The following TENM3 variants were observed in gnomAD, a reference collection of about 807,000 sequenced individuals.
TENM3 encodes the protein teneurin-3.
A neutral mutation model predicts 255.1 loss-of-function variants in TENM3; 63 were observed. The observed-to-expected ratio is 0.25, with a 90% CI of 0.20 to 0.30. The LOEUF is 0.30. TENM3 is among the 10% of genes least tolerant of loss of function. The pLI is 1.00. For synonymous variants in TENM3, 1,306 were observed against 1,322.3 expected (o/e 0.99, Z 0.27); for missense variants, 2,929 against 3,461.1 (o/e 0.85, Z 3.86).
At chr4:181,965,641 G>C in the TENM3 span, among the ~76,000 whole-genome samples, 1 of 152,136 alleles carries the variant, frequency 6.6e-6, no homozygotes, top group Non-Finnish European at 1.5e-5. Flanking sequence ...AAATTTCTCT[G>C]ACTGTCTTAA....
At chr4:182,378,624 A>G (rs1767345442) in intron 3 of TENM3, among the ~76,000 whole-genome samples, 1 of 152,158 alleles carries the variant, frequency 6.6e-6, no homozygotes, top group South Asian at 2.1e-4. Flanking sequence ...GAAACTGAAA[A>G]CAGGCCTCGG....
At chr4:181,880,164 C>T in the TENM3 span, among the ~76,000 whole-genome samples, 1 of 152,164 alleles carries the variant, frequency 6.6e-6, no homozygotes, top group Non-Finnish European at 1.5e-5. Flanking sequence ...CCAAAGGCAC[C>T]TTCCTCTACT....
chr4:182,743,488 T>A, intron 19 of TENM3, 69 bp downstream of exon 19: 1 of 1,522,380 alleles, frequency 6.6e-7, no homozygotes, highest in East Asian at 2.3e-5. Flanking sequence ...AGGTTGAGTC[T>A]GATGTACTGA....
At chr4:181,750,842 C>T in the TENM3 span, among the ~76,000 whole-genome samples, 1 of 152,172 alleles carries the variant, frequency 6.6e-6, no homozygotes, top group African/African-American at 2.4e-5. Context: ...ATGCTGTTGG[C>T]TTCCAGCAAG....
chr4:182,364,521 A>G (rs923032636), intron 3 of TENM3, among the ~76,000 whole-genome samples: 1 of 152,040 alleles, frequency 6.6e-6, no homozygotes, highest in African/African-American at 2.4e-5. Context: ...GGTTCACGCC[A>G]TTCTCCTGCC....
At chr4:181,474,296 C>T in the TENM3 span, among the ~76,000 whole-genome samples, 1 of 151,886 alleles carries the variant, frequency 6.6e-6, no homozygotes, top group Non-Finnish European at 1.5e-5. Flanking sequence ...CACATGTACC[C>T]CCCAGAACTT....
At chr4:182,796,813 C>CT in intron 27 of TENM3, 46 bp downstream of exon 27, 1 of 1,498,294 alleles carries the variant, frequency 6.7e-7, no homozygotes, top group Non-Finnish European at 9.1e-7. Flanking sequence ...TAGCTTGTGT[C>CT]TTATCTACCC....
chr4:182,470,921 G>T (rs1468452536), intron 3 of TENM3, among the ~76,000 whole-genome samples: 1 of 152,098 alleles, frequency 6.6e-6, no homozygotes, highest in Non-Finnish European at 1.5e-5. Context: ...TAGATTTGTT[G>T]CAATATTTTA....
chr4:181,743,288 A>AG, the TENM3 span, among the ~76,000 whole-genome samples: 1 of 152,164 alleles, frequency 6.6e-6, no homozygotes, highest in Non-Finnish European at 1.5e-5. Flanking sequence ...TTACAGTCTC[A>AG]CCAACAGTGT....
the TENM3 span, among the ~76,000 whole-genome samples, chr4:181,648,949 C>G: frequency 6.6e-6 from 1 of 152,188 alleles, no homozygotes; most frequent in East Asian, 1.9e-4. Flanking sequence ...AACTCTACTG[C>G]CATTCCTTAA....
At chr4:182,741,759 T>G (rs986613583) in intron 18 of TENM3, among the ~76,000 whole-genome samples, 1 of 152,188 alleles carries the variant, frequency 6.6e-6, no homozygotes, top group Non-Finnish European at 1.5e-5. Flanking sequence ...TAAACCTGTT[T>G]TATTTTCCCT....
chr4:181,805,909 T>A, the TENM3 span, among the ~76,000 whole-genome samples: 1 of 152,178 alleles, frequency 6.6e-6, no homozygotes, highest in Admixed American at 6.5e-5. Flanking sequence ...AAGAATAGCC[T>A]AGTATCTTCT....
chr4:181,605,549 A>G, the TENM3 span, among the ~76,000 whole-genome samples: 3 of 28,626 alleles, frequency 1.0e-4, no homozygotes, highest in Admixed American at 1.6e-3. Context: ...AAAGAAAGAA[A>G]GAAAGAAAGA....
the TENM3 span, among the ~76,000 whole-genome samples, chr4:181,450,199 AT>A: frequency 6.6e-6 from 1 of 152,312 alleles, no homozygotes; most frequent in East Asian, 1.9e-4. Context: ...TTGTCTGATG[AT>A]TTCGCCGTAG....
chr4:182,729,014 C>T lies in TENM3; in HGVS notation c.2418C>T (p.Cys806=), dbSNP rs1313749814. 1 of 1,613,974 alleles carries T rather than the reference C, an allele frequency of 6.2e-7. No homozygotes were observed. Among genetic ancestry groups the T allele is most frequent in the Admixed American group, 1.7e-5 (1 of 60,020 alleles). ...MDPDCCLQSS[C]QNQPYCRGLP... ...CCGATTGCTGCCTACAGAGTTCCTG[C>T]CAGAATCAGCCCTATTGTCGGGGAC... Residue 806 remains cysteine, a synonymous_variant, in exon 14 of 28, where the codon TGC becomes TGT. Coordinates refer to ENST00000511685, the MANE Select transcript of TENM3 (RefSeq NM_001080477.4).
chr4:181,919,763 AG>A, the TENM3 span, among the ~76,000 whole-genome samples: 1 of 151,914 alleles, frequency 6.6e-6, no homozygotes, highest in Non-Finnish European at 1.5e-5. Context: ...CTTTAGTTTT[AG>A]GGTACATGTG....
intron 3 of TENM3, among the ~76,000 whole-genome samples, chr4:182,412,535 CAGAGTAAT>C (rs981964963): frequency 1.2e-4 from 19 of 152,074 alleles, no homozygotes; most frequent in African/African-American, 3.6e-4. Flanking sequence ...TTGATATTCT[CAGAGTAAT>C]AAGGGAAGTA....
At chr4:182,325,818 T>C (rs1280918823) in intron 2 of TENM3, among the ~76,000 whole-genome samples, 1 of 152,180 alleles carries the variant, frequency 6.6e-6, no homozygotes, top group Non-Finnish European at 1.5e-5. Flanking sequence ...GCAGCACATG[T>C]GGCGAGATGC....
chr4:181,679,764 T>G, the TENM3 span, among the ~76,000 whole-genome samples: 1 of 152,178 alleles, frequency 6.6e-6, no homozygotes, highest in Non-Finnish European at 1.5e-5. Flanking sequence ...CACTAAATAG[T>G]GCATTTGTTA....
Sources: allele counts gnomAD v4.1 joint callset (sites outside exome capture counted in the v4.1 genomes callset), GRCh38; gene constraint gnomAD v4.1.1; transcripts MANE v1.5; gene names NCBI Gene and HGNC (gene_info 2026-07-23, HGNC 2026-07-21).